Variants in TRIM37 observed in about 807,000 individuals in gnomAD.
TRIM37 encodes the protein E3 ubiquitin-protein ligase TRIM37.
Under a neutral mutation model 129.8 loss-of-function variants are expected in TRIM37, and 80 were observed. The observed-to-expected ratio is 0.62, with a 90% confidence interval of 0.51 to 0.74. TRIM37 has a LOEUF of 0.74. Ranked by LOEUF, TRIM37 falls within the 30% of genes least tolerant of loss-of-function variation. The pLI, the probability that TRIM37 is intolerant of heterozygous loss-of-function variation, is 0.00. For synonymous variants in TRIM37, 389 were observed against 387.1 expected, an observed-to-expected ratio of 1.00 and a Z score of -0.06; for missense variants, 1,054 against 1,176.5, an observed-to-expected ratio of 0.90 and a Z score of 1.52.
At position 58,998,318 on chromosome 17, in the gene TRIM37, TA is replaced by T; in HGVS notation, c.*1058del. ...GGAAGAGTGAACAATATTCACTAAG[TA>T]AAATACAGCAGATGAGATGTCTCTC... On this transcript the variant is annotated 3_prime_UTR_variant, in exon 24 of 24. Coordinates refer to ENST00000262294, the MANE Select transcript of TRIM37 (RefSeq NM_015294.6). 3.0e-6 allele frequency: 3 copies of T among 985,328 alleles called. No homozygotes were observed. The highest frequency in any genetic ancestry group is 3.6e-6 in the Non-Finnish European group (3 of 829,816). 61.0% of individuals were successfully genotyped at this position (985,328 alleles called of 1,614,324 possible). A position where few individuals can be genotyped will look rare whatever the true frequency, so the allele number is the denominator to read the frequency against.
At chr17:59,047,463 ACTTTT>A (rs1467234989) in intron 16 of TRIM37, among the ~76,000 whole-genome samples, 6 of 152,216 alleles carry the variant, frequency 3.9e-5, no homozygotes, top group Non-Finnish European at 5.9e-5. Context: ...GAAATTCTGA[ACTTTT>A]CTTAAGTATA....
At chr17:58,988,591 C>A (rs1215477308) in intron 24 of TRIM37, among the ~76,000 whole-genome samples, 1 of 152,100 alleles carries the variant, frequency 6.6e-6, no homozygotes, top group African/African-American at 2.4e-5. Flanking sequence ...CCTAAAACTG[C>A]AACCTAATCC....
chr17:59,051,245 C>T lies in TRIM37; in HGVS notation c.1283G>A (p.Ser428Asn). The change falls in exon 14 of 24, where the codon AGT (serine) becomes AAT (asparagine). Residue 428 changes from serine (S) to asparagine (N), a missense_variant. Transcript: ENST00000262294. ...AAGGTTGTTTATTTGTTGGATATAA[C>T]TAGTCTGTGCAGCTTCCAACTGAGT... Reference protein sequence around the residue: ...YITQLEAAQTSYIQQINNLKE... With the variant: ...YITQLEAAQTNYIQQINNLKE... The T allele has an allele frequency of 1.2e-6, 2 of 1,613,504 alleles. No individual in the cohort carries two copies. Among genetic ancestry groups the T allele is most frequent in the Non-Finnish European group, 1.7e-6 (2 of 1,179,552 alleles).
At chr17:59,040,067 T>A (rs2038983363) in intron 17 of TRIM37, among the ~76,000 whole-genome samples, 1 of 151,902 alleles carries the variant, frequency 6.6e-6, no homozygotes, top group Non-Finnish European at 1.5e-5. Flanking sequence ...CACATCTGGC[T>A]AATTTTTTTG....
At chr17:59,077,805 A>C (rs958273045) in intron 7 of TRIM37, among the ~76,000 whole-genome samples, 1 of 81,488 alleles carries the variant, frequency 1.2e-5, no homozygotes, top group Non-Finnish European at 2.4e-5. Flanking sequence ...ACGAGACTCC[A>C]TCTCAAAAAA....
intron 3 of TRIM37, 48 bp downstream of exon 3, chr17:59,091,252 G>A: frequency 6.7e-7 from 1 of 1,485,662 alleles, no homozygotes; most frequent in East Asian, 2.4e-5. Context: ...GGCACATTCT[G>A]ATCTTACTAT....
downstream of TRIM37, among the ~76,000 whole-genome samples, chr17:58,997,807 G>A (rs574547013): frequency 5.3e-5 from 8 of 152,270 alleles, no homozygotes; most frequent in Admixed American, 5.2e-4. Context: ...GGAGCAACTG[G>A]TTCTTCTCCT....
chr17:59,060,933 T>A (rs2041432761), intron 12 of TRIM37, 99 bp downstream of exon 12: 14 of 815,146 alleles, frequency 1.7e-5, no homozygotes, highest in Non-Finnish European at 2.9e-5. Context: ...TTAACAGACA[T>A]ACCAATACAG....
At chr17:59,043,429 C>A (rs1166712175) in intron 16 of TRIM37, among the ~76,000 whole-genome samples, 1 of 152,102 alleles carries the variant, frequency 6.6e-6, no homozygotes, top group Non-Finnish European at 1.5e-5. Flanking sequence ...AGTATTTGAA[C>A]CAAGATCACT....
chr17:59,008,328 C>T (rs1302658369), intron 22 of TRIM37, among the ~76,000 whole-genome samples: 1 of 152,212 alleles, frequency 6.6e-6, no homozygotes, highest in Non-Finnish European at 1.5e-5. Flanking sequence ...CAACACCCCA[C>T]ATATAAAGAT....
At chr17:59,043,743 T>A (rs1599113811) in intron 16 of TRIM37, among the ~76,000 whole-genome samples, 1 of 152,148 alleles carries the variant, frequency 6.6e-6, no homozygotes, top group East Asian at 1.9e-4. Flanking sequence ...AAGGTGGAGG[T>A]CCCAAGCCTG....
chr17:59,035,414 C>T (rs1284052394), intron 17 of TRIM37, among the ~76,000 whole-genome samples: 1 of 151,992 alleles, frequency 6.6e-6, no homozygotes, highest in Non-Finnish European at 1.5e-5. Context: ...TTTCTTTATT[C>T]TATTGGAAAA....
the TRIM37 span, among the ~76,000 whole-genome samples, chr17:58,977,377 A>G: frequency 6.7e-6 from 1 of 149,956 alleles, no homozygotes. Context: ...CGGGAGGTGG[A>G]GGTTGCAATG....
Position 58,999,106 on chromosome 17 carries a change from G to A in TRIM37, c.*271C>T. Reference sequence around the variant, plus strand: ...TGCTGTAGTAGACAAACTGCCTTTTGTGAATGTACAAATTTGCTAAATTAA... The same window carrying A: ...TGCTGTAGTAGACAAACTGCCTTTTATGAATGTACAAATTTGCTAAATTAA... On this transcript the variant is annotated 3_prime_UTR_variant, in exon 24 of 24. Transcript: ENST00000262294. 1.6e-6 allele frequency: 2 copies of A among 1,263,628 alleles called. No homozygotes were observed. The highest frequency in any genetic ancestry group is 2.0e-6 in the Non-Finnish European group (2 of 997,218). The allele number at this position is 1,263,628 out of a possible 1,614,324, so 78.3% of individuals were successfully genotyped here.
chr17:59,017,718 G>A (rs897611767), intron 19 of TRIM37, among the ~76,000 whole-genome samples: 1 of 151,896 alleles, frequency 6.6e-6, no homozygotes, highest in Non-Finnish European at 1.5e-5. Context: ...TCCACCTCCT[G>A]GGTTCAAGCA....
At chr17:59,013,685 T>C (rs1344122258) in intron 21 of TRIM37, among the ~76,000 whole-genome samples, 2 of 152,120 alleles carry the variant, frequency 1.3e-5, no homozygotes, top group Admixed American at 1.3e-4. Context: ...TAGTATTTAA[T>C]ATTTATTTTT....
chr17:58,976,973 C>A, the TRIM37 span, among the ~76,000 whole-genome samples: 2 of 152,018 alleles, frequency 1.3e-5, no homozygotes, highest in Non-Finnish European at 2.9e-5. Context: ...GACACTGAAT[C>A]CCATATTGGA....
chr17:59,104,338 G>A lies in TRIM37; in HGVS notation c.78C>T (p.Arg26=). ...FICMEKLRDA[R]LCPHCSKLCC... ...ACAGTTTGGAGCAATGAGGACACAGGCGTGCATCCCGCAATTTCTCCATAC... is the reference window on the plus strand; with the variant it reads ...ACAGTTTGGAGCAATGAGGACACAGACGTGCATCCCGCAATTTCTCCATAC... Residue 26 remains arginine, a synonymous_variant, in exon 2 of 24, where the codon CGC becomes CGT. Coordinates refer to ENST00000262294, the MANE Select transcript of TRIM37 (RefSeq NM_015294.6). 1.2e-6 allele frequency: 2 copies of A among 1,614,174 alleles called. No individual in the cohort carries two copies. The highest frequency in any genetic ancestry group is 8.5e-7 in the Non-Finnish European group (1 of 1,180,034).
the TRIM37 span, among the ~76,000 whole-genome samples, chr17:58,970,272 A>G: frequency 9.9e-5 from 15 of 152,202 alleles, no homozygotes; most frequent in African/African-American, 3.4e-4. Flanking sequence ...CATGTCCTAC[A>G]TTGCGAAGGT....
Sources: gnomAD v4.1 joint callset for allele counts (sites outside exome capture counted in the v4.1 genomes callset) on GRCh38, gnomAD v4.1.1 for gene constraint, MANE v1.5 for transcripts, NCBI Gene and HGNC (gene_info 2026-07-23, HGNC 2026-07-21) for gene names.